Variants in DPY19L2 observed in about 807,000 individuals in gnomAD.
DPY19L2 encodes the protein dpy-19 like 2, also known as probable C-mannosyltransferase DPY19L2.
DPY19L2 carries 34 observed loss-of-function variants against 97.9 expected under a neutral mutation model. The observed-to-expected ratio is 0.35, with a 90% CI of 0.26 to 0.46. DPY19L2 has a LOEUF of 0.46. Among genes scored for constraint, DPY19L2 ranks in the 20% least tolerant of loss-of-function variants. DPY19L2 has a pLI of 1.00. For synonymous variants in DPY19L2, 230 were observed against 307.9 expected, an observed-to-expected ratio of 0.75 and a Z score of 2.65; for missense variants, 623 against 911.4, an observed-to-expected ratio of 0.68 and a Z score of 4.07.
At chr12:63,651,895 G>A in intron 4 of DPY19L2, 1 of 400,566 alleles carries the variant, frequency 2.5e-6, no homozygotes, top group South Asian at 3.8e-5. Context: ...GCTGCGGCTT[G>A]CCATGACTCC....
chr12:63,574,579 A>G (rs1879473259), intron 19 of DPY19L2, among the ~76,000 whole-genome samples: 1 of 152,010 alleles, frequency 6.6e-6, no homozygotes, highest in African/African-American at 2.4e-5. Flanking sequence ...TTACTTATAA[A>G]GGCAAATATA....
chr12:63,630,576 A>G (rs1188564770), intron 6 of DPY19L2, among the ~76,000 whole-genome samples: 1 of 152,168 alleles, frequency 6.6e-6, no homozygotes, highest in Non-Finnish European at 1.5e-5. Context: ...GCAAGTCCTG[A>G]GTGACCTACA....
intron 19 of DPY19L2, among the ~76,000 whole-genome samples, chr12:63,573,869 A>G (rs1879343568): frequency 6.6e-6 from 1 of 152,152 alleles, no homozygotes; most frequent in African/African-American, 2.4e-5. Context: ...AAGACTTCCC[A>G]GTGAAACAAA....
At chr12:63,630,764 A>G (rs914501188) in intron 6 of DPY19L2, among the ~76,000 whole-genome samples, 2 of 152,128 alleles carry the variant, frequency 1.3e-5, no homozygotes, top group African/African-American at 2.4e-5. Context: ...CAGAATATAC[A>G]TTCTTCTCAG....
Position 63,563,092 on chromosome 12 carries a change from C to CGCCTG in DPY19L2, c.2127-2431_2127-2430insCAGGC, listed in dbSNP as rs1555178599. Among the ~76,000 whole-genome samples the CGCCTG allele has an allele frequency of 4.8e-4, 73 of 151,276 alleles. 1 individual carries two copies. The highest frequency in any genetic ancestry group is 1.7e-3 in the African/African-American group (71 of 41,098). ...GATTACAGGCGTGAGCCAACCACTG[C>CGCCTG]GCCTATTTTGTCCATTTTTAATTGG... On this transcript the variant is annotated intron_variant, in intron 21 of 21. Transcript: ENST00000324472.
At chr12:63,575,248 A>G (rs997949961) in intron 19 of DPY19L2, among the ~76,000 whole-genome samples, 2 of 152,060 alleles carry the variant, frequency 1.3e-5, no homozygotes, top group Non-Finnish European at 2.9e-5. Context: ...CAAGAAGGAA[A>G]TTGAAAATGT....
chr12:63,594,439 C>T (rs553934368), intron 15 of DPY19L2, among the ~76,000 whole-genome samples: 3 of 125,314 alleles, frequency 2.4e-5, no homozygotes, highest in African/African-American at 9.5e-5. Context: ...ACTTGGCTGG[C>T]TGCAGGGATG....
chr12:63,607,445 TAATAAAAAGACAAAA>T (rs1170672353), intron 12 of DPY19L2, among the ~76,000 whole-genome samples: 1 of 152,120 alleles, frequency 6.6e-6, no homozygotes, highest in Non-Finnish European at 1.5e-5. Context: ...CAACAAAGAA[TAATAAAAAGACAAAA>T]AAAGCATCAT....
At chr12:63,593,380 G>A (rs1883508777) in intron 16 of DPY19L2, among the ~76,000 whole-genome samples, 1 of 152,016 alleles carries the variant, frequency 6.6e-6, no homozygotes, top group Non-Finnish European at 1.5e-5. Flanking sequence ...GCAAAGACTT[G>A]GAACCAACCC....
chr12:63,580,930 A>G, intron 18 of DPY19L2, 94 bp from the exon 19 acceptor site: 1 of 1,316,828 alleles, frequency 7.6e-7, no homozygotes, highest in Non-Finnish European at 1.0e-6. Context: ...AACCAATGTG[A>G]ATTACCCTTT....
Position 63,665,837 on chromosome 12 carries a change from A to G in DPY19L2, c.360T>C (p.His120=), listed in dbSNP as rs1380437169. 1.3e-6 allele frequency: 2 copies of G among 1,584,184 alleles called. No homozygotes were observed. The highest frequency in any genetic ancestry group is 1.7e-5 in the Admixed American group (1 of 58,000). Residue 120 remains histidine (H), a splice_region_variant and synonymous_variant, in exon 2 of 22, where the codon CAT becomes CAC. Transcript: ENST00000324472. ...LGIAVFVAIL[H]WLHLVTLFEN... ...TTCAAACTGAAACTAAATCTTACCA[A>G]TGTAAAATTGCCACAAAGACAGCTG... is the stretch of plus-strand genomic sequence containing the variant.
intron 4 of DPY19L2, among the ~76,000 whole-genome samples, chr12:63,656,074 G>A (rs975403078): frequency 1.3e-5 from 2 of 152,040 alleles, no homozygotes; most frequent in Non-Finnish European, 2.9e-5. Context: ...CTTCCTGACC[G>A]CTTCAGGAAA....
chr12:63,628,293 G>T (rs1361226817), intron 6 of DPY19L2, among the ~76,000 whole-genome samples: 1 of 152,174 alleles, frequency 6.6e-6, no homozygotes, highest in South Asian at 2.1e-4. Flanking sequence ...GAAGCGCAAG[G>T]GGTCAGGGAA....
intron 21 of DPY19L2, among the ~76,000 whole-genome samples, chr12:63,562,327 T>C (rs1295582061): frequency 1.3e-5 from 2 of 152,190 alleles, no homozygotes; most frequent in Non-Finnish European, 2.9e-5. Flanking sequence ...TATTTTGAGA[T>C]CCATCCATAT....
chr12:63,666,817 T>C (rs1222600522), intron 1 of DPY19L2, among the ~76,000 whole-genome samples: 2 of 152,316 alleles, frequency 1.3e-5, no homozygotes, highest in Admixed American at 1.3e-4. Flanking sequence ...GTATTTCTTA[T>C]GGTTATCCTA....
At chr12:63,616,137 AGGGGTTGG>A (rs918046559) in intron 11 of DPY19L2, among the ~76,000 whole-genome samples, 88 of 152,058 alleles carry the variant, frequency 5.8e-4, no homozygotes, top group African/African-American at 2.0e-3. Flanking sequence ...TAGTATCCAC[AGGGGTTGG>A]GGGTGTCCTG....
At chr12:63,647,014 C>T (rs1175624566) in intron 5 of DPY19L2, among the ~76,000 whole-genome samples, 3 of 151,984 alleles carry the variant, frequency 2.0e-5, no homozygotes, top group Admixed American at 6.6e-5. Flanking sequence ...GTCAAGATTG[C>T]CTTACAATGG....
chr12:63,578,758 T>C (rs1880338681), intron 19 of DPY19L2, among the ~76,000 whole-genome samples: 1 of 152,176 alleles, frequency 6.6e-6, no homozygotes, highest in African/African-American at 2.4e-5. Context: ...CAATAATTTA[T>C]GATGACAAGC....
At chr12:63,570,395 G>C (rs559928344) in intron 20 of DPY19L2, among the ~76,000 whole-genome samples, 13 of 152,224 alleles carry the variant, frequency 8.5e-5, no homozygotes, top group Admixed American at 2.6e-4. Flanking sequence ...TTGTGGTGTA[G>C]AGCAGGGGTT....
Sources: allele counts gnomAD v4.1 joint callset (sites outside exome capture counted in the v4.1 genomes callset), GRCh38; gene constraint gnomAD v4.1.1; transcripts MANE v1.5; gene names NCBI Gene and HGNC (gene_info 2026-07-23, HGNC 2026-07-21).